UIMC1: variants seen among roughly 807,000 people sequenced by gnomAD.
UIMC1 encodes the protein BRCA1-A complex subunit RAP80.
A neutral mutation model predicts 84.9 loss-of-function variants in UIMC1; 42 were observed. The ratio of observed to expected loss-of-function variants is 0.49; its 90% CI spans 0.39 to 0.64. The LOEUF (loss-of-function observed/expected upper bound fraction) is 0.64. UIMC1 is among the 30% of genes least tolerant of loss of function. UIMC1 has a pLI of 0.00. For missense variants in UIMC1, 825 were observed against 847.6 expected (o/e 0.97, Z 0.33); for synonymous variants, 281 against 293.0 (o/e 0.96, Z 0.42).
rs562894526 is a variant in UIMC1, at chr5:176,982,580, G to A, written c.36C>T (p.Ser12=). The change falls in exon 2 of 15, where the codon TCC becomes TCT. Residue 12 remains serine, a synonymous_variant. Transcript: ENST00000511320. ...PRRKKKVKEV[S]ESRNLEKKDV... ...CCTTCTTCTCCAGGTTCCGAGATTC[G>A]GAGACTTCTTTAACTTTTTTCTTTC... 2.3e-5 allele frequency: 37 copies of A among 1,613,808 alleles called. 1 individual carries two copies. The highest frequency in any genetic ancestry group is 1.7e-4 in the African/African-American group (13 of 74,886).
chr5:177,008,803 G>A (rs1401886601), upstream of UIMC1, among the ~76,000 whole-genome samples: 1 of 152,112 alleles, frequency 6.6e-6, no homozygotes, highest in African/African-American at 2.4e-5. Flanking sequence ...CCAAGAGTGG[G>A]TGATAAAAAC....
intron 1 of UIMC1, 95 bp from the exon 2 acceptor site, chr5:176,982,718 T>A: frequency 2.9e-6 from 4 of 1,388,938 alleles, no homozygotes; most frequent in Non-Finnish European, 3.9e-6. Context: ...TAGTCTTTTT[T>A]TGAGATGGTC....
chr5:176,950,799 G>A (rs1158169786), intron 9 of UIMC1, among the ~76,000 whole-genome samples: 1 of 152,046 alleles, frequency 6.6e-6, no homozygotes, highest in Non-Finnish European at 1.5e-5. Flanking sequence ...GGACCAGGAA[G>A]GCAGAGGTTG....
chr5:176,995,807 C>A (rs1464841816), intron 1 of UIMC1, among the ~76,000 whole-genome samples: 1 of 139,672 alleles, frequency 7.2e-6, no homozygotes, highest in East Asian at 2.1e-4. Context: ...CATGCCATTG[C>A]ACTCCAGCCT....
At chr5:176,978,728 C>A (rs530909840) in intron 2 of UIMC1, among the ~76,000 whole-genome samples, 82 of 152,136 alleles carry the variant, frequency 5.4e-4, no homozygotes, top group African/African-American at 1.8e-3. Flanking sequence ...AAATACTAAT[C>A]CCATATATAA....
chr5:176,986,651 A>G (rs553279987), intron 1 of UIMC1, among the ~76,000 whole-genome samples: 55 of 152,028 alleles, frequency 3.6e-4, no homozygotes, highest in African/African-American at 1.3e-3. Flanking sequence ...GACCAGCCTC[A>G]TCAACATAGC....
At chr5:177,006,301 C>T (rs1775256696) in intron 1 of UIMC1, 1 of 152,510 alleles carries the variant, frequency 6.6e-6, no homozygotes, top group African/African-American at 2.4e-5. Context: ...TTGGGAAGGA[C>T]CCAGCCCCGG....
intron 4 of UIMC1, chr5:176,970,490 T>C (rs749533619): frequency 5.6e-5 from 28 of 495,932 alleles, no homozygotes; most frequent in Non-Finnish European, 9.4e-5. Flanking sequence ...TGTCAACTTA[T>C]GATAATTCTT....
At chr5:176,941,989 G>A (rs1764499135) in intron 10 of UIMC1, among the ~76,000 whole-genome samples, 1 of 152,084 alleles carries the variant, frequency 6.6e-6, no homozygotes, top group South Asian at 2.1e-4. Flanking sequence ...GATTACAGGA[G>A]CCCGGCACCA....
Position 176,908,525 on chromosome 5 carries a change from T to C in UIMC1, c.1846A>G (p.Lys616Glu), listed in dbSNP as rs1759701490. ...GKWQQRLKNP[K>E]EKGHSEGRLL... ...TTCCCAAAACACTCTACACATACCT[T>C]TGGGTTCTTCAGCCTCTGCTGCCAC... Residue 616 changes from lysine (K) to glutamate (E), a missense_variant and splice_region_variant, in exon 12 of 15, where the codon AAG becomes GAG. Coordinates refer to ENST00000511320, the MANE Select transcript of UIMC1 (RefSeq NM_001199298.2). 1 of 1,613,176 alleles carries C rather than the reference T, an allele frequency of 6.2e-7. No individual in the cohort carries two copies. The highest frequency in any genetic ancestry group is 1.7e-5 in the Admixed American group (1 of 59,984).
intron 3 of UIMC1, among the ~76,000 whole-genome samples, chr5:176,971,594 A>C (rs192017197): frequency 1.7e-4 from 26 of 152,344 alleles, no homozygotes; most frequent in Non-Finnish European, 3.2e-4. Context: ...AATGCTTTAA[A>C]TCACATCAAA....
intron 10 of UIMC1, among the ~76,000 whole-genome samples, chr5:176,932,858 CTTTTTT>C (rs749495757): frequency 3.7e-5 from 4 of 106,686 alleles, no homozygotes; most frequent in Admixed American, 9.6e-5. Flanking sequence ...AATAGCAATG[CTTTTTT>C]TTTTTTTTTT....
chr5:176,963,409 T>C (rs1400948986), intron 6 of UIMC1, among the ~76,000 whole-genome samples: 1 of 151,298 alleles, frequency 6.6e-6, no homozygotes, highest in Non-Finnish European at 1.5e-5. Context: ...TGACCCCAGC[T>C]ACTCAGGAGG....
At chr5:177,017,591 T>C (rs1775699276) in intron 1 of UIMC1, among the ~76,000 whole-genome samples, 2 of 151,640 alleles carry the variant, frequency 1.3e-5, no homozygotes, top group South Asian at 4.2e-4. Flanking sequence ...GTTTCACCAT[T>C]TGAACTCCTG....
intron 2 of UIMC1, among the ~76,000 whole-genome samples, chr5:176,979,679 A>C (rs1159014226): frequency 6.6e-6 from 1 of 152,164 alleles, no homozygotes. Context: ...CTCAGGTGGT[A>C]ACTGCAAGTG....
chr5:176,906,621 A>C (rs1022529322), intron 13 of UIMC1, among the ~76,000 whole-genome samples: 1 of 152,226 alleles, frequency 6.6e-6, no homozygotes, highest in Non-Finnish European at 1.5e-5. Context: ...CAATTCTTGC[A>C]ATCTATGAGG....
At chr5:176,981,821 A>G (rs1771099090) in intron 2 of UIMC1, among the ~76,000 whole-genome samples, 1 of 152,214 alleles carries the variant, frequency 6.6e-6, no homozygotes, top group South Asian at 2.1e-4. Flanking sequence ...AAAGAGAAGA[A>G]AATCTGAAGG....
chr5:176,962,484 G>GC (rs1239775082), intron 6 of UIMC1, among the ~76,000 whole-genome samples: 67 of 91,256 alleles, frequency 7.3e-4, no homozygotes, highest in Non-Finnish European at 5.2e-4. Context: ...TGGGGGGTCA[G>GC]CCCCCCGACC....
chr5:176,926,335 A>T (rs773981045), intron 10 of UIMC1, among the ~76,000 whole-genome samples: 13 of 152,058 alleles, frequency 8.5e-5, no homozygotes, highest in Admixed American at 5.2e-4. Flanking sequence ...TAGGAGAATG[A>T]TCTTGTTCTT....
Sources: allele counts gnomAD v4.1 joint callset (sites outside exome capture counted in the v4.1 genomes callset), GRCh38; gene constraint gnomAD v4.1.1; transcripts MANE v1.5; gene names NCBI Gene and HGNC (gene_info 2026-07-23, HGNC 2026-07-21).